KIF18A: variants seen among roughly 807,000 people sequenced by gnomAD.
KIF18A encodes kinesin family member 18A, also known as kinesin-like protein KIF18A.
Under a neutral mutation model 103.3 loss-of-function variants are expected in KIF18A, and 67 were observed. The ratio of observed to expected loss-of-function variants is 0.65; its 90% CI spans 0.53 to 0.79. The LOEUF is 0.79. Ranked by LOEUF, KIF18A falls within the 30% of genes least tolerant of loss-of-function variation. The probability of loss-of-function intolerance (pLI) is 0.00; values close to 1 mark genes in which losing one functional copy is unlikely to be tolerated. For synonymous variants in KIF18A, 367 were observed against 355.5 expected, an observed-to-expected ratio of 1.03 and a Z score of -0.36; for missense variants, 1,032 against 1,062.5, an observed-to-expected ratio of 0.97 and a Z score of 0.40.
At chr11:28,105,306 T>A (rs1851490268) in intron 1 of KIF18A, among the ~76,000 whole-genome samples, 1 of 152,204 alleles carries the variant, frequency 6.6e-6, no homozygotes, top group Admixed American at 6.5e-5. Context: ...ACTGACTGAA[T>A]CTAAAGGCCA....
At chr11:28,040,373 G>A (rs752457218) in intron 13 of KIF18A, among the ~76,000 whole-genome samples, 2 of 151,606 alleles carry the variant, frequency 1.3e-5, no homozygotes, top group Non-Finnish European at 3.0e-5. Context: ...GAGCAGGCAT[G>A]GGACAGTTGT....
chr11:28,071,530 ATTAT>A (rs1347254848), intron 10 of KIF18A, among the ~76,000 whole-genome samples: 43 of 149,386 alleles, frequency 2.9e-4, no homozygotes, highest in African/African-American at 9.7e-4. Flanking sequence ...CAATTAAGCT[ATTAT>A]TTAATATTAT....
At position 28,090,689 on chromosome 11, in the gene KIF18A, A is replaced by G. The variant is rs764189366; in HGVS notation, c.627T>C (p.Asn209=). The change falls in exon 5 of 17, where the codon AAT becomes AAC. Residue 209 remains asparagine, a synonymous_variant. Coordinates refer to ENST00000263181, the MANE Select transcript of KIF18A (RefSeq NM_031217.4). The part of the protein sequence containing the change: ...SSEEILHLLD[N]GNKNRTQHPT... ...GATGTTGTGTCCTGTTTTTGTTTCC[A>G]TTATCCAATAAATGTAAAATTTCTT... The G allele has an allele frequency of 1.2e-6, 2 of 1,609,070 alleles. No homozygotes were observed. Among genetic ancestry groups the G allele is most frequent in the Non-Finnish European group, 1.7e-6 (2 of 1,176,266 alleles).
intron 10 of KIF18A, 98 bp downstream of exon 10, chr11:28,076,909 G>T: frequency 1.6e-6 from 1 of 608,882 alleles, no homozygotes; most frequent in Non-Finnish European, 2.6e-6. Flanking sequence ...ACTCCAGCTT[G>T]GGCAACAGAA....
intron 6 of KIF18A, among the ~76,000 whole-genome samples, chr11:28,086,579 T>C (rs989980810): frequency 1.3e-5 from 2 of 152,276 alleles, no homozygotes; most frequent in African/African-American, 2.4e-5. Flanking sequence ...AAACAGGAAA[T>C]TGAAGCTAAG....
At chr11:28,062,346 C>T (rs755551906) in intron 12 of KIF18A, 49 bp downstream of exon 12, 4 of 1,503,200 alleles carry the variant, frequency 2.7e-6, no homozygotes, top group South Asian at 1.4e-5. Flanking sequence ...AACTTCTGTG[C>T]TTCAGATATA....
At chr11:28,063,199 A>G (rs926364416) in intron 11 of KIF18A, among the ~76,000 whole-genome samples, 9 of 152,176 alleles carry the variant, frequency 5.9e-5, no homozygotes, top group Admixed American at 2.0e-4. Context: ...AACAAATGCT[A>G]CCTTAAGTTG....
Position 28,059,046 on chromosome 11 carries a change from T to C in KIF18A, c.1828A>G (p.Arg610Gly). The C allele has an allele frequency of 6.2e-7, 1 of 1,614,092 alleles. No homozygotes were observed. The highest frequency in any genetic ancestry group is 8.5e-7 in the Non-Finnish European group (1 of 1,179,980). ...DFKEIEHLVERKKVVVWADQT... is the reference protein window; with the variant it reads ...DFKEIEHLVEGKKVVVWADQT... ...TCAGCCCAAACTACCACTTTTTTCC[T>C]CTCTACCAAATGTTCGATCTCTTTG... The change falls in exon 13 of 17, where the codon AGG (arginine) becomes GGG (glycine). Residue 610 changes from arginine to glycine, a missense_variant. Coordinates refer to ENST00000263181, the MANE Select transcript of KIF18A (RefSeq NM_031217.4).
chr11:28,039,561 A>G (rs1192739598), intron 13 of KIF18A, among the ~76,000 whole-genome samples: 1 of 151,708 alleles, frequency 6.6e-6, no homozygotes, highest in Non-Finnish European at 1.5e-5. Context: ...GGTGGACCAC[A>G]TTTTCCCTAC....
intron 15 of KIF18A, among the ~76,000 whole-genome samples, chr11:28,033,691 G>C (rs778239606): frequency 6.6e-6 from 1 of 151,616 alleles, no homozygotes; most frequent in Non-Finnish European, 1.5e-5. Flanking sequence ...AGAGTAGAAT[G>C]ATGGTTACCA....
At chr11:28,031,324 C>A (rs1176942872) in intron 15 of KIF18A, among the ~76,000 whole-genome samples, 1 of 152,094 alleles carries the variant, frequency 6.6e-6, no homozygotes, top group Non-Finnish European at 1.5e-5. Context: ...AGATGTGGCA[C>A]ATATACACCA....
chr11:28,068,677 T>C (rs1850969557), intron 11 of KIF18A, among the ~76,000 whole-genome samples: 1 of 152,102 alleles, frequency 6.6e-6, no homozygotes, highest in Non-Finnish European at 1.5e-5. Flanking sequence ...AACAGTAATA[T>C]TACAATCATG....
intron 13 of KIF18A, among the ~76,000 whole-genome samples, chr11:28,050,450 C>A (rs1435145944): frequency 6.6e-6 from 1 of 151,748 alleles, no homozygotes; most frequent in Non-Finnish European, 1.5e-5. Context: ...GATTTCCTAT[C>A]TTTCAAATGA....
At chr11:28,044,857 T>C (rs915740499) in intron 13 of KIF18A, among the ~76,000 whole-genome samples, 5 of 152,062 alleles carry the variant, frequency 3.3e-5, no homozygotes, top group Admixed American at 6.6e-5. Context: ...ATTAGTATTA[T>C]AGAGTATTAA....
At chr11:28,034,340 C>A (rs1362716345) in intron 15 of KIF18A, among the ~76,000 whole-genome samples, 1 of 151,678 alleles carries the variant, frequency 6.6e-6, no homozygotes, top group African/African-American at 2.4e-5. Flanking sequence ...TGATGCAGAG[C>A]AAAGATAAAT....
intron 15 of KIF18A, among the ~76,000 whole-genome samples, chr11:28,029,276 C>T (rs199693934): frequency 1.3e-4 from 20 of 152,164 alleles, no homozygotes; most frequent in Admixed American, 7.9e-4. Flanking sequence ...TGCAAAAATC[C>T]TCAATAAACT....
chr11:28,035,346 T>A, intron 15 of KIF18A, 41 bp downstream of exon 15: 1 of 1,065,450 alleles, frequency 9.4e-7, no homozygotes, highest in Non-Finnish European at 1.4e-6. Flanking sequence ...AAGATTATCT[T>A]ATATAACTAC....
intron 1 of KIF18A, among the ~76,000 whole-genome samples, chr11:28,099,007 A>C (rs930585031): frequency 4.6e-5 from 7 of 152,160 alleles, no homozygotes; most frequent in Non-Finnish European, 5.9e-5. Context: ...AGGAATTAAA[A>C]TCAGTATGTT....
At chr11:28,065,545 GT>G (rs1263255862) in intron 11 of KIF18A, among the ~76,000 whole-genome samples, 1 of 151,920 alleles carries the variant, frequency 6.6e-6, no homozygotes, top group Admixed American at 6.6e-5. Flanking sequence ...TATTGAAAAA[GT>G]TTTAATTTAT....
Sources: allele counts gnomAD v4.1 joint callset (sites outside exome capture counted in the v4.1 genomes callset), GRCh38; gene constraint gnomAD v4.1.1; transcripts MANE v1.5; gene names NCBI Gene and HGNC (gene_info 2026-07-23, HGNC 2026-07-21).